PARP2: variants seen among roughly 807,000 people sequenced by gnomAD.
PARP2 encodes poly [ADP-ribose] polymerase 2.
A neutral mutation model predicts 77.8 loss-of-function variants in PARP2; 57 were observed. The observed-to-expected ratio is 0.73, with a 90% CI of 0.59 to 0.91. The LOEUF (loss-of-function observed/expected upper bound fraction) is 0.91. Among genes scored for constraint, PARP2 ranks in the 40% least tolerant of loss-of-function variants. The pLI is 0.00. For missense variants in PARP2, 651 were observed against 689.0 expected, an observed-to-expected ratio of 0.94 and a Z score of 0.62; for synonymous variants, 226 against 242.6, an observed-to-expected ratio of 0.93 and a Z score of 0.64.
intron 9 of PARP2, 44 bp downstream of exon 9, chr14:20,354,991 A>G (rs1212781423): frequency 1.3e-6 from 2 of 1,545,166 alleles, no homozygotes; most frequent in South Asian, 2.4e-5. Flanking sequence ...CTACCTATAC[A>G]TATCCCCTGT....
At position 20,357,482 on chromosome 14, in the gene PARP2, G is replaced by A. The variant is rs774202926; in HGVS notation, c.1515G>A (p.Leu505=). ...LLQGKHSTKG[L]GKMAPSSAHF... is the part of the protein sequence containing the mutation. The stretch of plus-strand genomic sequence containing the variant: ...AAGGTAAACATAGCACCAAGGGGCT[G>A]GGCAAGATGGCTCCCAGTTCTGCCC... The change falls in exon 15 of 16, where the codon CTG becomes CTA. Residue 505 remains leucine, a synonymous_variant. Coordinates refer to ENST00000429687, the MANE Select transcript of PARP2 (RefSeq NM_001042618.2). 3.7e-6 allele frequency: 6 copies of A among 1,613,590 alleles called. No homozygotes were observed. In the East Asian group the frequency reaches 1.1e-4, roughly 30 times the overall value.
At chr14:20,352,380 AT>A (rs1293982924) in intron 7 of PARP2, 33 bp downstream of exon 7, 1 of 1,267,004 alleles carries the variant, frequency 7.9e-7, no homozygotes, top group Non-Finnish European at 1.1e-6. Context: ...AAAGAAACAC[AT>A]CTTCTTTTTT....
intron 3 of PARP2, among the ~76,000 whole-genome samples, chr14:20,346,326 T>C (rs2138916621): frequency 7.1e-6 from 1 of 140,984 alleles, no homozygotes. Flanking sequence ...AGAATCTTTT[T>C]TTTTTTTTTT....
At chr14:20,356,890 T>G (rs1435155307) in intron 13 of PARP2, 161 bp from the exon 14 acceptor site, 1 of 676,016 alleles carries the variant, frequency 1.5e-6, no homozygotes, top group Non-Finnish European at 2.6e-6. Context: ...AAGGCGGAAA[T>G]TCACAGGGGC....
chr14:20,354,337 C>T (rs913035419), intron 8 of PARP2, 90 bp downstream of exon 8: 15 of 1,071,016 alleles, frequency 1.4e-5, no homozygotes, highest in Admixed American at 2.1e-5. Context: ...TTAAAGCTTG[C>T]TCATAGTACT....
In PARP2 at chr14:20,348,219, C is replaced by T. The variant is rs569848703; in HGVS notation, c.324+1306C>T. 9.9e-4 allele frequency among the ~76,000 whole-genome samples: 151 copies of T among 152,124 alleles called. 2 individuals carry two copies. The highest frequency in any genetic ancestry group is 3.5e-3 in the African/African-American group (146 of 41,524). Reference sequence around the variant, plus strand: ...TTATTGGTCCTTTTCTTACTGGTTTCGAGGAACTTTATATAATATGGAGAA... The same window carrying T: ...TTATTGGTCCTTTTCTTACTGGTTTTGAGGAACTTTATATAATATGGAGAA... On this transcript the variant is annotated intron_variant, in intron 4 of 15. Coordinates refer to ENST00000429687, the MANE Select transcript of PARP2 (RefSeq NM_001042618.2).
chr14:20,345,276 G>C (rs1180023635), intron 2 of PARP2, 118 bp from the exon 3 acceptor site: 6 of 1,054,048 alleles, frequency 5.7e-6, no homozygotes, highest in South Asian at 2.9e-5. Flanking sequence ...AGATGGATTG[G>C]GGTCTAAGGA....
intron 4 of PARP2, among the ~76,000 whole-genome samples, 197 bp from the exon 5 acceptor site, chr14:20,350,324 AATTCC>A (rs898562219): frequency 1.3e-5 from 2 of 152,174 alleles, no homozygotes; most frequent in Admixed American, 6.5e-5. Context: ...CTCCCACTTT[AATTCC>A]TAAGAATCCA....
chr14:20,357,192 AG>A, intron 14 of PARP2, 43 bp downstream of exon 14: 1 of 1,480,438 alleles, frequency 6.8e-7, no homozygotes, highest in Non-Finnish European at 9.4e-7. Flanking sequence ...TATTAATTCC[AG>A]TTTTTTTCCG....
In PARP2 at chr14:20,352,653, C is replaced by T. The variant is rs1216612563; in HGVS notation, c.600+306C>T. On this transcript the variant is annotated intron_variant, in intron 7 of 15. Coordinates refer to ENST00000429687, the MANE Select transcript of PARP2 (RefSeq NM_001042618.2). ...TCCTCTTGTCTTGGCCTCCCAAAGTCCTGAGATTACAAGCATGAGGCACCA... is the reference window on the plus strand; with the variant it reads ...TCCTCTTGTCTTGGCCTCCCAAAGTTCTGAGATTACAAGCATGAGGCACCA... 3.2e-5 allele frequency: 7 copies of T among 218,556 alleles called. No individual in the cohort carries two copies. The East Asian group carries it at 7.8e-4, about 24-fold the overall frequency. 13.5% of individuals were successfully genotyped at this position (218,556 alleles called of 1,614,324 possible).
rs1365754869 is a variant in PARP2, at chr14:20,354,070, T to C, written c.601-15T>C. 1.2e-6 allele frequency: 2 copies of C among 1,601,870 alleles called. No homozygotes were observed. The highest frequency in any genetic ancestry group is 1.7e-6 in the Non-Finnish European group (2 of 1,170,186). On this transcript the variant is annotated splice_polypyrimidine_tract_variant and intron_variant, in intron 7 of 15. Coordinates refer to ENST00000429687, the MANE Select transcript of PARP2 (RefSeq NM_001042618.2). ...TTCTTAGATTGTCTTGTGTTTTGTT[T>C]GTTTTTTGCTATAGGATGAAGAGGA...
chr14:20,354,212 T>G lies in PARP2; in HGVS notation c.728T>G (p.Met243Arg). Residue 243 changes from methionine (M) to arginine (R), a missense_variant, in exon 8 of 16, where the codon ATG (methionine) becomes AGG (arginine). Physicochemically the swap from Met to Arg is moderately conservative, Grantham distance 91. Transcript: ENST00000429687. Reference protein sequence around the residue: ...CNVQAMEEMMMEMKYNTKKAP... With the variant: ...CNVQAMEEMMREMKYNTKKAP... Reference sequence around the variant, plus strand: ...GTTCAGGCCATGGAAGAAATGATGATGGAAATGAAGTATAATACCAAGAAA... The same window carrying G: ...GTTCAGGCCATGGAAGAAATGATGAGGGAAATGAAGTATAATACCAAGAAA... The G allele has an allele frequency of 6.2e-7, 1 of 1,613,922 alleles. No individual in the cohort carries two copies. Among genetic ancestry groups the G allele is most frequent in the South Asian group, 1.1e-5 (1 of 91,062 alleles).
chr14:20,355,225 T>G (rs1594303013), intron 9 of PARP2: 2 of 296,190 alleles, frequency 6.8e-6, no homozygotes, highest in East Asian at 1.2e-4. Flanking sequence ...GTAAAACACC[T>G]TCAGGCATAT....
intron 1 of PARP2, chr14:20,344,253 C>T (rs1172681474): frequency 6.5e-6 from 1 of 152,964 alleles, no homozygotes; most frequent in East Asian, 1.9e-4. Flanking sequence ...AGAAAAGCAG[C>T]AGAGCTAGGC....
Position 20,355,897 on chromosome 14 carries a change from G to T in PARP2, c.967G>T (p.Ala323Ser). 1 of 1,614,078 alleles carries T rather than the reference G, an allele frequency of 6.2e-7. No homozygotes were observed. Among genetic ancestry groups the T allele is most frequent in the Non-Finnish European group, 8.5e-7 (1 of 1,179,994 alleles). Reference sequence around the variant, plus strand: ...TTGATTCTATATCTCATCTTCTCAGGCTTTGGGAGACATTGAAATTGCTAT... The same window carrying T: ...TTGATTCTATATCTCATCTTCTCAGTCTTTGGGAGACATTGAAATTGCTAT... ...ELSEKIQLLE[A>S]LGDIEIAIKL... The change falls in exon 11 of 16, where the codon GCT becomes TCT. Residue 323 changes from alanine (A) to serine (S), a missense_variant and splice_region_variant. By Grantham distance (99) the Ala-to-Ser change is moderately conservative (BLOSUM62 1). Coordinates refer to ENST00000429687, the MANE Select transcript of PARP2 (RefSeq NM_001042618.2).
intron 2 of PARP2, 71 bp downstream of exon 2, chr14:20,345,158 A>G (rs958682286): frequency 1.3e-6 from 2 of 1,528,210 alleles, no homozygotes; most frequent in Non-Finnish European, 1.8e-6. Flanking sequence ...ATATCTTGTT[A>G]TTTCAACTCC....
intron 2 of PARP2, 44 bp from the exon 3 acceptor site, chr14:20,345,349 CT>C: frequency 6.7e-7 from 1 of 1,496,684 alleles, no homozygotes; most frequent in Non-Finnish European, 9.3e-7. Context: ...ACCACAACAG[CT>C]GTTTTTGATT....
At chr14:20,345,140 T>G (rs747030125) in intron 2 of PARP2, 53 bp downstream of exon 2, 15 of 1,587,956 alleles carry the variant, frequency 9.4e-6, no homozygotes, top group Admixed American at 1.7e-5. Context: ...GGAGTGGATC[T>G]GGGGATGATA....
At chr14:20,356,831 T>C (rs1594304528) in intron 13 of PARP2, 142 bp downstream of exon 13, 2 of 725,454 alleles carry the variant, frequency 2.8e-6, no homozygotes, top group Non-Finnish European at 4.8e-6. Flanking sequence ...CATCTCTTAC[T>C]GTGTCCCTCT....
Sources: allele counts gnomAD v4.1 joint callset (sites outside exome capture counted in the v4.1 genomes callset), GRCh38; gene constraint gnomAD v4.1.1; transcripts MANE v1.5; gene names NCBI Gene and HGNC (gene_info 2026-07-23, HGNC 2026-07-21).